The following ZFHX4 variants were observed in gnomAD, a reference collection of about 807,000 sequenced individuals.
ZFHX4 encodes the protein zinc finger homeobox protein 4.
A neutral mutation model predicts 267.6 loss-of-function variants in ZFHX4; 56 were observed. The observed-to-expected ratio is 0.21, with a 90% CI of 0.17 to 0.26. The LOEUF is 0.26. ZFHX4 is among the 10% of genes least tolerant of loss of function. ZFHX4 has a pLI of 1.00. For missense variants in ZFHX4, 4,332 were observed against 4,420.0 expected (o/e 0.98, Z 0.56); for synonymous variants, 1,778 against 1,665.6 (o/e 1.07, Z -1.64).
intron 4 of ZFHX4, among the ~76,000 whole-genome samples, chr8:76,819,681 T>C (rs80206112): frequency 0.012 from 1,849 of 152,308 alleles, 37 homozygotes; most frequent in African/African-American, 0.041. Flanking sequence ...TTATAAGTAT[T>C]GTGCAACCGT....
chr8:76,719,551 C>T (rs1201077411), intron 3 of ZFHX4, among the ~76,000 whole-genome samples: 1 of 151,896 alleles, frequency 6.6e-6, no homozygotes, highest in Non-Finnish European at 1.5e-5. Flanking sequence ...CTGCTCCCAA[C>T]CTTGGAGTAG....
intron 1 of ZFHX4, among the ~76,000 whole-genome samples, chr8:76,695,242 G>A (rs1807926669): frequency 6.6e-6 from 1 of 152,160 alleles, no homozygotes; most frequent in South Asian, 2.1e-4. Flanking sequence ...TATGTTGTAT[G>A]CAGGTTCATC....
chr8:76,816,682 G>A (rs1585975066), intron 4 of ZFHX4, among the ~76,000 whole-genome samples: 1 of 138,712 alleles, frequency 7.2e-6, no homozygotes, highest in Non-Finnish European at 1.5e-5. Flanking sequence ...TGCAACCTCC[G>A]CCTCCTGGGT....
At chr8:76,682,021 C>T (rs1807544144) in intron 1 of ZFHX4, among the ~76,000 whole-genome samples, 2 of 152,140 alleles carry the variant, frequency 1.3e-5, no homozygotes, top group African/African-American at 4.8e-5. Context: ...CCTGTCTTTT[C>T]GGGTTTTGCC....
chr8:76,693,718 G>A (rs911104737), intron 1 of ZFHX4, among the ~76,000 whole-genome samples: 6 of 152,206 alleles, frequency 3.9e-5, no homozygotes, highest in African/African-American at 1.4e-4. Flanking sequence ...TTAGAGATAG[G>A]ACCACAATTG....
At chr8:76,740,491 T>TG (rs903826947) in intron 3 of ZFHX4, among the ~76,000 whole-genome samples, 1 of 150,772 alleles carries the variant, frequency 6.6e-6, no homozygotes, top group South Asian at 2.1e-4. Flanking sequence ...CAAAACCTAC[T>TG]GGGGAAAAAA....
chr8:76,729,477 AC>A (rs1163032360), intron 3 of ZFHX4, among the ~76,000 whole-genome samples: 1 of 152,144 alleles, frequency 6.6e-6, no homozygotes, highest in Admixed American at 6.6e-5. Context: ...TACTTTTTGT[AC>A]AAAATATCTA....
chr8:76,736,399 T>C (rs1325646506), intron 3 of ZFHX4, among the ~76,000 whole-genome samples: 1 of 152,150 alleles, frequency 6.6e-6, no homozygotes, highest in African/African-American at 2.4e-5. Context: ...AATAAACTTT[T>C]CCTTTTGTGG....
chr8:76,781,595 T>C (rs1563518726), intron 4 of ZFHX4, among the ~76,000 whole-genome samples: 1 of 152,080 alleles, frequency 6.6e-6, no homozygotes, highest in Non-Finnish European at 1.5e-5. Flanking sequence ...GGGTGGAAGA[T>C]TTTTTGACCT....
chr8:76,771,141 C>T lies in ZFHX4; in HGVS notation c.3094-7067C>T, dbSNP rs577587127. Among the ~76,000 whole-genome samples, 50 of 152,202 alleles carry T rather than the reference C, an allele frequency of 3.3e-4. No homozygotes were observed. In the South Asian group the frequency reaches 5.4e-3, roughly 16 times the overall value. ...TTGAAGAGTGTTAAGTAGAGATGTGCCTTTATCAGGTTGGCATACTCAAAT... is the reference window on the plus strand; with the variant it reads ...TTGAAGAGTGTTAAGTAGAGATGTGTCTTTATCAGGTTGGCATACTCAAAT... On this transcript the variant is annotated intron_variant, in intron 3 of 10. Transcript: ENST00000651372.
intron 3 of ZFHX4, among the ~76,000 whole-genome samples, chr8:76,759,583 A>G (rs1044459086): frequency 2.6e-5 from 4 of 152,216 alleles, no homozygotes; most frequent in Admixed American, 2.0e-4. Flanking sequence ...ATTCTAGGAG[A>G]TGGAACTGCA....
intron 3 of ZFHX4, among the ~76,000 whole-genome samples, chr8:76,765,612 T>C (rs1472740199): frequency 6.6e-6 from 1 of 152,094 alleles, no homozygotes; most frequent in African/African-American, 2.4e-5. Flanking sequence ...AATATAACAA[T>C]GATGTCACTG....
In ZFHX4 at chr8:76,778,372, C is replaced by A. The variant is rs776754170; in HGVS notation, c.3258C>A (p.Gly1086=). 1 of 1,613,838 alleles carries A rather than the reference C, an allele frequency of 6.2e-7. No homozygotes were observed. The change falls in exon 4 of 11, where the codon GGC becomes GGA. Residue 1086 remains glycine, a synonymous_variant. Transcript: ENST00000651372. ...GLRKLQLHQQ[G]LAPEEDNLSE... is the part of the protein sequence containing the mutation. ...GGAAGCTCCAGCTCCACCAGCAAGG[C>A]CTGGCACCAGAGGAGGACAACCTCA...
intron 1 of ZFHX4, among the ~76,000 whole-genome samples, chr8:76,686,809 T>A (rs147396702): frequency 1.2e-3 from 182 of 152,324 alleles, no homozygotes; most frequent in African/African-American, 4.1e-3. Flanking sequence ...TTATCCCTGG[T>A]CTCTAGCACT....
chr8:76,836,640 A>G (rs1162142164), intron 5 of ZFHX4, among the ~76,000 whole-genome samples: 1 of 152,092 alleles, frequency 6.6e-6, no homozygotes, highest in East Asian at 1.9e-4. Context: ...ATGCAGCCAG[A>G]AAAGTAGGCA....
intron 4 of ZFHX4, among the ~76,000 whole-genome samples, chr8:76,798,735 G>A (rs978541150): frequency 6.6e-6 from 1 of 152,302 alleles, no homozygotes; most frequent in Admixed American, 6.5e-5. Context: ...TGTACAGGAA[G>A]CATTATTGCT....
At chr8:76,760,860 T>C (rs1182207644) in intron 3 of ZFHX4, among the ~76,000 whole-genome samples, 1 of 147,982 alleles carries the variant, frequency 6.8e-6, no homozygotes, top group Non-Finnish European at 1.5e-5. Context: ...GCCAAAGCGA[T>C]TGAGGCTGCA....
chr8:76,689,591 A>G (rs1332131295), intron 1 of ZFHX4, among the ~76,000 whole-genome samples: 1 of 152,116 alleles, frequency 6.6e-6, no homozygotes, highest in Non-Finnish European at 1.5e-5. Context: ...GCTCGATGGC[A>G]TTATATTCTT....
chr8:76,704,563 A>C lies in ZFHX4; in HGVS notation c.475A>C (p.Lys159Gln). ...GQNAQTGANS[K>Q]LFSTAMFLDS... ...GAATGCACAGACTGGGGCAAATAGC[A>C]AACTCTTTTCTACAGCGATGTTCCT... The change falls in exon 2 of 11, where the codon AAA becomes CAA. Residue 159 changes from lysine (K) to glutamine (Q), a missense_variant. By Grantham distance (53) the Lys-to-Gln change is moderately conservative (BLOSUM62 1). This residue lies in a region of ZFHX4 where 1,195 missense variants were observed against 1,173.6 expected (regional missense o/e 1.02). Transcript: ENST00000651372. 6.2e-7 allele frequency: 1 copy of C among 1,613,984 alleles called. No homozygotes were observed. The highest frequency in any genetic ancestry group is 8.5e-7 in the Non-Finnish European group (1 of 1,179,866).
Sources: allele counts gnomAD v4.1 joint callset (sites outside exome capture counted in the v4.1 genomes callset), GRCh38; gene constraint gnomAD v4.1.1; regional missense constraint gnomAD v4.1.1; transcripts MANE v1.5; gene names NCBI Gene and HGNC (gene_info 2026-07-23, HGNC 2026-07-21).